Variants in HCFC2 observed in about 807,000 individuals in gnomAD.
HCFC2 encodes the protein host cell factor C2.
In HCFC2, 18 loss-of-function variants were observed where a neutral mutation model predicts 89.2. That is an observed-to-expected ratio of 0.20 (90% CI 0.14 to 0.30). The LOEUF (loss-of-function observed/expected upper bound fraction) is 0.30, where lower values mean the gene tolerates loss of function less well. Ranked by LOEUF, HCFC2 falls within the 10% of genes least tolerant of loss-of-function variation. HCFC2 has a pLI of 1.00. For missense variants in HCFC2, 578 were observed against 956.1 expected (o/e 0.60, Z 5.21); for synonymous variants, 308 against 335.7 (o/e 0.92, Z 0.90).
At chr12:104,075,010 A>G (rs2136601006) in intron 3 of HCFC2, among the ~76,000 whole-genome samples, 1 of 151,376 alleles carries the variant, frequency 6.6e-6, no homozygotes, top group African/African-American at 2.4e-5. Flanking sequence ...ATTTTTAGTA[A>G]TTTTTTTTGA....
chr12:104,080,893 A>G (rs1398784538), intron 5 of HCFC2, 63 bp downstream of exon 5: 3 of 1,028,172 alleles, frequency 2.9e-6, no homozygotes, highest in East Asian at 5.0e-5. Context: ...GAAGCACACA[A>G]AGAAAGTAAT....
intron 14 of HCFC2, 53 bp downstream of exon 14, chr12:104,102,206 C>T (rs1018112019): frequency 6.8e-7 from 1 of 1,460,870 alleles, no homozygotes; most frequent in Non-Finnish European, 9.4e-7. Context: ...TGAAATTTCA[C>T]ATGTGAAGTA....
chr12:104,096,530 G>T, intron 12 of HCFC2, 97 bp downstream of exon 12: 1 of 782,110 alleles, frequency 1.3e-6, no homozygotes, highest in Non-Finnish European at 2.1e-6. Flanking sequence ...AGATTCTCAG[G>T]TCTCAGTAAT....
At chr12:104,065,921 A>G (rs1444645001) in intron 1 of HCFC2, among the ~76,000 whole-genome samples, 18 of 152,062 alleles carry the variant, frequency 1.2e-4, no homozygotes, top group Admixed American at 1.2e-3. Flanking sequence ...GGTTGGGGGA[A>G]GCTGCCCTGT....
At chr12:104,065,364 G>A (rs1251879724) in intron 1 of HCFC2, 1 of 152,358 alleles carries the variant, frequency 6.6e-6, no homozygotes, top group Non-Finnish European at 1.5e-5. Context: ...CACCACTGCA[G>A]ATCACAAGTG....
At chr12:104,065,799 T>C (rs1487700877) in intron 1 of HCFC2, among the ~76,000 whole-genome samples, 1 of 152,138 alleles carries the variant, frequency 6.6e-6, no homozygotes, top group Non-Finnish European at 1.5e-5. Flanking sequence ...AGTTGTAAAA[T>C]AGAGATTTTT....
At chr12:104,065,315 C>T (rs758597164) in intron 1 of HCFC2, 32 of 152,438 alleles carry the variant, frequency 2.1e-4, no homozygotes, top group Non-Finnish European at 2.6e-4. Context: ...GGACGCCCTT[C>T]TGGACTGGCC....
chr12:104,080,952 G>A, intron 5 of HCFC2, 122 bp downstream of exon 5: 2 of 594,192 alleles, frequency 3.4e-6, no homozygotes, highest in Admixed American at 3.5e-5. Flanking sequence ...AAGTTTGATT[G>A]TGCTGACTGA....
At position 104,103,001 on chromosome 12, in the gene HCFC2, C is replaced by T. The variant is rs761768406; in HGVS notation, c.2107C>T (p.Pro703Ser). The T allele has an allele frequency of 9.3e-6, 15 of 1,612,536 alleles. No homozygotes were observed. Among genetic ancestry groups the T allele is most frequent in the Admixed American group, 1.7e-5 (1 of 59,972 alleles). Residue 703 changes from proline to serine, a missense_variant, in exon 15 of 15, where the codon CCT (proline) becomes TCT (serine). Transcript: ENST00000229330. ...IHLSWEPPTSPSGNILEYSAY... is the reference protein window; with the variant it reads ...IHLSWEPPTSSSGNILEYSAY... Reference sequence around the variant, plus strand: ...CCTTTCCTGGGAACCTCCAACCTCACCTTCTGGAAATATTTTGGAATATTC... The same window carrying T: ...CCTTTCCTGGGAACCTCCAACCTCATCTTCTGGAAATATTTTGGAATATTC...
At chr12:104,092,146 A>G (rs1884039121) in intron 9 of HCFC2, among the ~76,000 whole-genome samples, 1 of 152,240 alleles carries the variant, frequency 6.6e-6, no homozygotes, top group African/African-American at 2.4e-5. Flanking sequence ...ACTGATATTC[A>G]CATTGATGAC....
chr12:104,088,496 A>T (rs755719884), intron 9 of HCFC2, among the ~76,000 whole-genome samples: 1 of 152,250 alleles, frequency 6.6e-6, no homozygotes, highest in Non-Finnish European at 1.5e-5. Flanking sequence ...ATCAGTTACT[A>T]AATTGAACAC....
intron 5 of HCFC2, among the ~76,000 whole-genome samples, chr12:104,081,306 T>C (rs1883676464): frequency 6.6e-6 from 1 of 152,234 alleles, no homozygotes; most frequent in Admixed American, 6.5e-5. Flanking sequence ...AATCTGTTTG[T>C]ACCTCACTTT....
intron 13 of HCFC2, among the ~76,000 whole-genome samples, chr12:104,100,488 T>A (rs192883850): frequency 2.6e-5 from 4 of 151,954 alleles, no homozygotes; most frequent in Middle Eastern, 3.4e-3. Context: ...GGTGGGAGGA[T>A]CACTTGAGCC....
At position 104,103,307 on chromosome 12, in the gene HCFC2, A is replaced by G. The variant is rs757618662; in HGVS notation, c.*34A>G. On this transcript the variant is annotated 3_prime_UTR_variant, in exon 15 of 15. Transcript: ENST00000229330. ...TTTTACTGAAGCTATTGTGATGATG[A>G]TTATTTATTAGTAACTGGTTATGAA... 2.0e-6 allele frequency: 3 copies of G among 1,501,866 alleles called. No homozygotes were observed. In the African/African-American group the frequency reaches 4.1e-5, roughly 21 times the overall value. The allele number at this position is 1,501,866 out of a possible 1,614,324, so 93.0% of individuals were successfully genotyped here. A position where few individuals can be genotyped will look rare whatever the true frequency, so the allele number is the denominator to read the frequency against.
chr12:104,074,182 G>A (rs1392863946), intron 3 of HCFC2, among the ~76,000 whole-genome samples: 1 of 152,040 alleles, frequency 6.6e-6, no homozygotes. Context: ...CTGTCACCTG[G>A]GGCTGGAGTA....
intron 9 of HCFC2, among the ~76,000 whole-genome samples, chr12:104,091,209 T>C (rs1884013486): frequency 6.6e-6 from 1 of 152,236 alleles, no homozygotes; most frequent in South Asian, 2.1e-4. Flanking sequence ...TTTCAACCTT[T>C]CTGCCTATTT....
intron 3 of HCFC2, among the ~76,000 whole-genome samples, chr12:104,072,479 G>C (rs765429101): frequency 1.3e-5 from 2 of 151,748 alleles, no homozygotes; most frequent in Non-Finnish European, 2.9e-5. Context: ...AATAATATTG[G>C]GTCTGCCAAT....
rs1231739532 is a variant in HCFC2, at chr12:104,068,567, C to G, written c.473+460C>G. 2.6e-5 allele frequency among the ~76,000 whole-genome samples: 4 copies of G among 152,196 alleles called. No individual in the cohort carries two copies. The highest frequency in any genetic ancestry group is 2.6e-4 in the Admixed American group (4 of 15,276). ...TATACAGGAAGCTATTAGAGTAGTT[C>G]ACGCTAGCATATACTTTTACAATCA... On this transcript the variant is annotated intron_variant, in intron 3 of 14. Transcript: ENST00000229330. This position sits in a 1 kb window ranked among gnomAD's most constrained non-coding sequence, Gnocchi z 4.1.
Position 104,105,292 on chromosome 12 carries a change from C to A in HCFC2, c.*2019C>A, listed in dbSNP as rs1246745064. 1 of 152,028 alleles carries A rather than the reference C, an allele frequency of 6.6e-6. No homozygotes were observed. Among genetic ancestry groups the A allele is most frequent in the Non-Finnish European group, 1.5e-5 (1 of 67,920 alleles). 9.4% of individuals were successfully genotyped at this position (152,028 alleles called of 1,614,324 possible). ...TTAATAGAAAAAGTTTGGCTTTTAA[C>A]CCTTTCTTCTCTGCATTAATTAACA... On this transcript the variant is annotated 3_prime_UTR_variant, in exon 15 of 15. Coordinates refer to ENST00000229330, the MANE Select transcript of HCFC2 (RefSeq NM_013320.3).
Sources: allele counts gnomAD v4.1 joint callset (sites outside exome capture counted in the v4.1 genomes callset), GRCh38; gene constraint gnomAD v4.1.1; non-coding constraint Gnocchi (gnomAD v3.1); transcripts MANE v1.5; gene names NCBI Gene and HGNC (gene_info 2026-07-23, HGNC 2026-07-21).